SMG6: variants seen among roughly 807,000 people sequenced by gnomAD.
SMG6 encodes the protein SMG6 nonsense mediated mRNA decay factor, also known as telomerase-binding protein EST1A.
In SMG6, 66 loss-of-function variants were observed where a neutral mutation model predicts 142.2. The ratio of observed to expected loss-of-function variants is 0.46; its 90% CI spans 0.38 to 0.57. The LOEUF is 0.57. Ranked by LOEUF, SMG6 falls within the 20% of genes least tolerant of loss-of-function variation. The probability of loss-of-function intolerance (pLI) is 0.00; values close to 1 mark genes in which losing one functional copy is unlikely to be tolerated. For missense variants in SMG6, 1,793 were observed against 1,832.0 expected (o/e 0.98, Z 0.39); for synonymous variants, 779 against 702.4 (o/e 1.11, Z -1.72).
chr17:2,065,553 C>T lies in SMG6; in HGVS notation c.3962G>A (p.Arg1321Gln), dbSNP rs751727076. The T allele has an allele frequency of 4.3e-6, 7 of 1,614,050 alleles. No homozygotes were observed. In the Admixed American group the frequency reaches 5.0e-5, roughly 12 times the overall value. ...GGTCAGGGCTCGCAGGCAAGAGTCC[C>T]GACTCTCGAATCGCTGCTCGAGGAA... Reference protein sequence around the residue: ...IEFLEQRFESRDSCLRALTSR... With the variant: ...IEFLEQRFESQDSCLRALTSR... The change falls in exon 17 of 19, where the codon CGG becomes CAG. Residue 1321 changes from arginine to glutamine, a missense_variant. This residue lies in a region of SMG6 where 179 missense variants were observed against 212.6 expected (regional missense o/e 0.84). Coordinates refer to ENST00000263073, the MANE Select transcript of SMG6 (RefSeq NM_017575.5).
chr17:2,184,398 C>A (rs904401001), intron 12 of SMG6, among the ~76,000 whole-genome samples: 13 of 151,992 alleles, frequency 8.6e-5, no homozygotes, highest in African/African-American at 2.7e-4. Flanking sequence ...TGGCTCACAC[C>A]TGTAATCCCA....
At chr17:2,172,577 C>T (rs1457649818) in intron 13 of SMG6, 81 bp downstream of exon 13, 2 of 1,484,728 alleles carry the variant, frequency 1.3e-6, no homozygotes, top group Non-Finnish European at 1.9e-6. Context: ...TCCATTTGCA[C>T]AGAAAACTTC....
At position 2,065,618 on chromosome 17, in the gene SMG6, G is replaced by A. The variant is rs762622588; in HGVS notation, c.3897C>T (p.Tyr1299=). Residue 1299 remains tyrosine, a synonymous_variant, in exon 17 of 19, where the codon TAC becomes TAT. Transcript: ENST00000263073. ...GGGCCTTCTCTTGTACCACACGGGC[G>A]TAGCCCCCAGCCCGGTGGTCTGTCT... ...GQETDHRAGG[Y]ARVVQEKARK... 12 of 1,613,862 alleles carry A rather than the reference G, an allele frequency of 7.4e-6. No individual in the cohort carries two copies. Among genetic ancestry groups the A allele is most frequent in the Admixed American group, 5.0e-5 (3 of 60,010 alleles).
intron 12 of SMG6, among the ~76,000 whole-genome samples, chr17:2,175,027 T>C (rs749775469): frequency 2.0e-4 from 31 of 152,210 alleles, no homozygotes; most frequent in Non-Finnish European, 2.4e-4. Flanking sequence ...CCGGATGTGA[T>C]AGGGCTGCTC....
At chr17:2,096,519 T>C (rs1025791521) in intron 13 of SMG6, among the ~76,000 whole-genome samples, 1 of 151,614 alleles carries the variant, frequency 6.6e-6, no homozygotes, top group African/African-American at 2.4e-5. Flanking sequence ...AATGGCTAAT[T>C]TTTTTTTTGT....
intron 13 of SMG6, among the ~76,000 whole-genome samples, chr17:2,140,980 C>T (rs1470288953): frequency 1.3e-5 from 2 of 152,178 alleles, no homozygotes; most frequent in African/African-American, 4.8e-5. Flanking sequence ...TTACAAGTTC[C>T]CAGGTGAATC....
chr17:2,231,993 A>G (rs1381184588), intron 10 of SMG6, among the ~76,000 whole-genome samples: 1 of 152,136 alleles, frequency 6.6e-6, no homozygotes, highest in Admixed American at 6.5e-5. Flanking sequence ...GGTATAATCC[A>G]ATAATACAGT....
intron 10 of SMG6, among the ~76,000 whole-genome samples, chr17:2,212,260 AAG>A (rs35311815): frequency 0.11 from 16,184 of 152,234 alleles, 1,207 homozygotes; most frequent in Admixed American, 0.22. Flanking sequence ...CTGTTATGGA[AAG>A]AGACAGGGAG....
Position 2,298,946 on chromosome 17 carries a change from G to T in SMG6, c.1807C>A (p.Arg603Ser). 6.2e-7 allele frequency: 1 copy of T among 1,614,052 alleles called. No individual in the cohort carries two copies. Residue 603 changes from arginine to serine, a missense_variant, in exon 2 of 19, where the codon CGC (arginine) becomes AGC (serine). Coordinates refer to ENST00000263073, the MANE Select transcript of SMG6 (RefSeq NM_017575.5). ...LQLSNLLSRD[R>S]ISPEGLEKMA... ...TTCTCCAGGCCCTCCGGACTGATGCGGTCCCTGGAGAGCAGGTTGCTGAGC... is the reference window on the plus strand; with the variant it reads ...TTCTCCAGGCCCTCCGGACTGATGCTGTCCCTGGAGAGCAGGTTGCTGAGC...
intron 11 of SMG6, 26 bp downstream of exon 11, chr17:2,188,373 C>G (rs1167363419): frequency 4.4e-6 from 7 of 1,603,322 alleles, no homozygotes; most frequent in South Asian, 1.1e-5. Flanking sequence ...GGAAAGCCCA[C>G]CAGGCTGGGG....
chr17:2,226,840 T>G (rs1299281608), intron 10 of SMG6, among the ~76,000 whole-genome samples: 1 of 151,998 alleles, frequency 6.6e-6, no homozygotes, highest in Non-Finnish European at 1.5e-5. Context: ...GAGGGTGCAG[T>G]GCAGTGAGCC....
chr17:2,113,113 A>T (rs1365113145), intron 13 of SMG6, among the ~76,000 whole-genome samples: 1 of 151,770 alleles, frequency 6.6e-6, no homozygotes, highest in Non-Finnish European at 1.5e-5. Flanking sequence ...GCTGGAGTGC[A>T]GTGGCATGAT....
chr17:2,276,953 G>T (rs974869615), intron 8 of SMG6, among the ~76,000 whole-genome samples: 4 of 151,066 alleles, frequency 2.6e-5, no homozygotes, highest in Non-Finnish European at 4.4e-5. Context: ...GGCTAATTTT[G>T]TATTTTTAGT....
intron 13 of SMG6, among the ~76,000 whole-genome samples, chr17:2,157,550 T>C (rs1475867129): frequency 6.6e-6 from 1 of 152,174 alleles, no homozygotes; most frequent in African/African-American, 2.4e-5. Flanking sequence ...GCTTACTAAG[T>C]ACCACCCAAC....
chr17:2,248,491 T>C (rs575381923), intron 8 of SMG6, among the ~76,000 whole-genome samples: 2 of 152,340 alleles, frequency 1.3e-5, no homozygotes, highest in South Asian at 4.1e-4. Flanking sequence ...ACAAACATCC[T>C]TCCCTTAGGG....
chr17:2,235,588 T>C (rs2073628468), intron 10 of SMG6: 1 of 152,550 alleles, frequency 6.6e-6, no homozygotes. Flanking sequence ...TATGGGCCAA[T>C]TCCCACTTCC....
At chr17:2,159,266 T>C (rs757185339) in intron 13 of SMG6, among the ~76,000 whole-genome samples, 2 of 151,852 alleles carry the variant, frequency 1.3e-5, no homozygotes, top group Non-Finnish European at 2.9e-5. Context: ...GCTAAAAATA[T>C]GTAAAAAAAT....
At chr17:2,213,885 C>A (rs2072936486) in intron 10 of SMG6, 1 of 152,214 alleles carries the variant, frequency 6.6e-6, no homozygotes, top group Non-Finnish European at 1.5e-5. Context: ...AATCTCCAAA[C>A]TGGCTGTGTT....
chr17:2,133,342 T>C (rs1295317374), intron 13 of SMG6, among the ~76,000 whole-genome samples: 1 of 152,152 alleles, frequency 6.6e-6, no homozygotes. Flanking sequence ...ATTATTCATC[T>C]GGGAGAGAGA....
Sources: allele counts gnomAD v4.1 joint callset (sites outside exome capture counted in the v4.1 genomes callset), GRCh38; gene constraint gnomAD v4.1.1; regional missense constraint gnomAD v4.1.1; transcripts MANE v1.5; gene names NCBI Gene and HGNC (gene_info 2026-07-23, HGNC 2026-07-21).